The following ITPK1 variants were observed in gnomAD, a reference collection of about 807,000 sequenced individuals.
ITPK1 encodes the protein inositol 1,3,4-trisphosphate 5/6-kinase.
In ITPK1, 21 loss-of-function variants were observed where a neutral mutation model predicts 45.3. The ratio of observed to expected loss-of-function variants is 0.46; its 90% CI spans 0.33 to 0.67. The LOEUF (loss-of-function observed/expected upper bound fraction) is 0.67. Ranked by LOEUF, ITPK1 falls within the 30% of genes least tolerant of loss-of-function variation. The pLI is 0.02. For missense variants in ITPK1, 474 were observed against 573.5 expected (o/e 0.83, Z 1.77); for synonymous variants, 258 against 253.6 (o/e 1.02, Z -0.16).
intron 2 of ITPK1, among the ~76,000 whole-genome samples, chr14:93,094,792 T>G (rs563006853): frequency 6.6e-6 from 1 of 152,288 alleles, no homozygotes; most frequent in African/African-American, 2.4e-5. Flanking sequence ...AGCCCACTGC[T>G]TCCTAGAGGC....
At chr14:92,981,519 G>A (rs937830824) in intron 5 of ITPK1, among the ~76,000 whole-genome samples, 3 of 152,106 alleles carry the variant, frequency 2.0e-5, no homozygotes, top group Non-Finnish European at 2.9e-5. Context: ...CTGTGGCCCC[G>A]AGCCCATGAC....
At chr14:93,006,871 C>A (rs1016905899) in intron 4 of ITPK1, among the ~76,000 whole-genome samples, 1 of 152,218 alleles carries the variant, frequency 6.6e-6, no homozygotes, top group Admixed American at 6.5e-5. Context: ...CCCCTCTGTC[C>A]CCAGATTTCA....
At chr14:93,007,551 C>T (rs779951218) in intron 4 of ITPK1, among the ~76,000 whole-genome samples, 9 of 152,182 alleles carry the variant, frequency 5.9e-5, no homozygotes, top group African/African-American at 1.2e-4. Flanking sequence ...GCACAGTTTG[C>T]GGTGGTGCTG....
intron 8 of ITPK1, among the ~76,000 whole-genome samples, chr14:92,956,653 A>G (rs1595084962): frequency 1.3e-5 from 2 of 152,254 alleles, no homozygotes; most frequent in East Asian, 3.8e-4. Flanking sequence ...GAGATCTGAC[A>G]GTAAATTTCT....
At chr14:93,053,930 G>A (rs1890122476) in intron 3 of ITPK1, among the ~76,000 whole-genome samples, 2 of 152,226 alleles carry the variant, frequency 1.3e-5, no homozygotes, top group African/African-American at 2.4e-5. Context: ...AAACTACCCA[G>A]TTGTGGAGTC....
chr14:93,010,314 G>T (rs1407363102), intron 4 of ITPK1, among the ~76,000 whole-genome samples: 1 of 152,244 alleles, frequency 6.6e-6, no homozygotes, highest in East Asian at 1.9e-4. Flanking sequence ...CCATCCCTGT[G>T]CTGGCGACTG....
At chr14:92,952,277 G>T (rs1887992761) in intron 8 of ITPK1, among the ~76,000 whole-genome samples, 3 of 152,182 alleles carry the variant, frequency 2.0e-5, no homozygotes, top group Admixed American at 2.0e-4. Context: ...ATCACATCTG[G>T]TTTTCCCTGA....
rs1228131502 is a variant in ITPK1 at position 93,076,825 on chromosome 14, G to T, written c.96-206C>A. On this transcript the variant is annotated intron_variant, in intron 2 of 10. Transcript: ENST00000267615. This position sits in a 1 kb window ranked among gnomAD's most constrained non-coding sequence, Gnocchi z 4.3. The stretch of plus-strand genomic sequence containing the variant: ...AACCACCTTCCCACTGAGAGGGCTG[G>T]CTCTGCAGAGGGACTTGCTGGAGTC... Among the ~76,000 whole-genome samples, 1 of 152,056 alleles carries T rather than the reference G, an allele frequency of 6.6e-6. No individual in the cohort carries two copies. The highest frequency in any genetic ancestry group is 2.4e-5 in the African/African-American group (1 of 41,396).
chr14:93,074,834 AACCAC>A (rs1350377140), intron 3 of ITPK1, among the ~76,000 whole-genome samples: 2 of 152,108 alleles, frequency 1.3e-5, no homozygotes, highest in African/African-American at 4.8e-5. Flanking sequence ...TGAGATGAAT[AACCAC>A]ACCTCCTCTT....
intron 5 of ITPK1, among the ~76,000 whole-genome samples, chr14:92,992,019 T>TGGG (rs1886815062): frequency 6.6e-6 from 1 of 152,164 alleles, no homozygotes; most frequent in African/African-American, 2.4e-5. Flanking sequence ...ATGACTGATT[T>TGGG]GTCCGAGACC....
At chr14:93,007,773 G>A (rs1887695818) in intron 4 of ITPK1, among the ~76,000 whole-genome samples, 1 of 152,238 alleles carries the variant, frequency 6.6e-6, no homozygotes, top group Non-Finnish European at 1.5e-5. Context: ...TTCAGTGGCT[G>A]CGGGCATGCT....
intron 5 of ITPK1, among the ~76,000 whole-genome samples, chr14:92,968,238 G>C (rs1031774803): frequency 6.6e-6 from 1 of 152,202 alleles, no homozygotes; most frequent in African/African-American, 2.4e-5. Flanking sequence ...GGCTGAGGAA[G>C]GAGAATCCTT....
At chr14:92,945,550 G>C (rs896541181) in intron 10 of ITPK1, among the ~76,000 whole-genome samples, 2 of 152,248 alleles carry the variant, frequency 1.3e-5, no homozygotes, top group African/African-American at 4.8e-5. Context: ...CCCCCATCTG[G>C]GGAATGGCAG....
rs1050675482 is a variant in ITPK1 at position 92,937,066 on chromosome 14, C to G, written c.*4495G>C. Reference sequence around the variant, plus strand: ...TAGTTAGCAAATACAGAGATCATAGCGACACCTTGTCCCTGAAACCACCCA... The same window carrying G: ...TAGTTAGCAAATACAGAGATCATAGGGACACCTTGTCCCTGAAACCACCCA... On this transcript the variant is annotated 3_prime_UTR_variant, in exon 11 of 11. Coordinates refer to ENST00000267615, the MANE Select transcript of ITPK1 (RefSeq NM_014216.6). The G allele has an allele frequency of 1.3e-5, 2 of 152,222 alleles. No individual in the cohort carries two copies. The highest frequency in any genetic ancestry group is 2.4e-5 in the African/African-American group (1 of 41,432). 9.4% of individuals were successfully genotyped at this position (152,222 alleles called of 1,614,324 possible).
intron 10 of ITPK1, among the ~76,000 whole-genome samples, chr14:92,943,305 C>T (rs1054313336): frequency 5.3e-5 from 8 of 152,312 alleles, no homozygotes; most frequent in South Asian, 2.1e-4. Context: ...GTGAGCGCCA[C>T]GGTCCTCAGC....
intron 5 of ITPK1, among the ~76,000 whole-genome samples, chr14:92,990,468 G>A (rs951581095): frequency 1.3e-5 from 2 of 152,146 alleles, no homozygotes; most frequent in African/African-American, 4.8e-5. Context: ...AAGTTCTGTC[G>A]CATTTAAGCC....
intron 7 of ITPK1, among the ~76,000 whole-genome samples, chr14:92,960,760 C>T (rs971687619): frequency 6.6e-6 from 1 of 152,230 alleles, no homozygotes; most frequent in African/African-American, 2.4e-5. Context: ...CAGGCAGATA[C>T]TGGGGCTGAG....
intron 4 of ITPK1, among the ~76,000 whole-genome samples, chr14:93,009,729 C>T (rs12898120): frequency 6.6e-6 from 1 of 152,186 alleles, no homozygotes; most frequent in South Asian, 2.1e-4. Flanking sequence ...CCAGATGCGT[C>T]CAACTCTGCC....
rs114025939 is a variant in ITPK1 at position 92,944,504 on chromosome 14, G to T, written c.901+1827C>A. ...CATCCCTTATCTGCACCCATAGATC[G>T]CGACCATCTACACATTTTGTGTTGG... is the stretch of plus-strand genomic sequence containing the variant. On this transcript the variant is annotated intron_variant, in intron 10 of 10. Transcript: ENST00000267615. Among the ~76,000 whole-genome samples, 561 of 151,286 alleles carry T rather than the reference G, an allele frequency of 3.7e-3. 4 individuals are homozygous for T. The highest frequency in any genetic ancestry group is 0.013 in the African/African-American group (526 of 41,200).
Sources: gnomAD v4.1 joint callset for allele counts (sites outside exome capture counted in the v4.1 genomes callset) on GRCh38, gnomAD v4.1.1 for gene constraint, Gnocchi (gnomAD v3.1) non-coding constraint, MANE v1.5 for transcripts, NCBI Gene and HGNC (gene_info 2026-07-23, HGNC 2026-07-21) for gene names.